The following CNBD1 variants were observed in gnomAD, a reference collection of about 807,000 sequenced individuals.
The protein encoded by CNBD1 is cyclic nucleotide binding domain containing 1, also known as cyclic nucleotide-binding domain-containing protein 1.
A neutral mutation model predicts 54.4 loss-of-function variants in CNBD1; 71 were observed. That is an observed-to-expected ratio of 1.30 (90% CI 1.08 to 1.59). CNBD1 has a LOEUF of 1.59. Ranked by LOEUF, CNBD1 falls within the 40% of genes most tolerant of loss-of-function variation. CNBD1 has a pLI of 0.00. For missense variants in CNBD1, 659 were observed against 518.0 expected, an observed-to-expected ratio of 1.27 and a Z score of -2.64; for synonymous variants, 182 against 170.7, an observed-to-expected ratio of 1.07 and a Z score of -0.51.
chr8:87,230,240 A>C (rs143283534), intron 5 of CNBD1, among the ~76,000 whole-genome samples: 8 of 152,136 alleles, frequency 5.3e-5, no homozygotes, highest in Non-Finnish European at 1.2e-4. Context: ...CCATGATCCA[A>C]TCACCTCCCA....
At chr8:87,122,224 A>G (rs1388662390) in intron 4 of CNBD1, among the ~76,000 whole-genome samples, 2 of 151,580 alleles carry the variant, frequency 1.3e-5, no homozygotes, top group African/African-American at 4.8e-5. Flanking sequence ...TTCTCACCAA[A>G]CCTTATCTTT....
At chr8:87,414,124 A>G (rs1807798039) in intron 2 of CNBD1, among the ~76,000 whole-genome samples, 1 of 152,080 alleles carries the variant, frequency 6.6e-6, no homozygotes, top group Non-Finnish European at 1.5e-5. Context: ...AACCAACCCA[A>G]ATGTCCAACA....
intron 4 of CNBD1, among the ~76,000 whole-genome samples, chr8:87,185,565 A>G (rs1813457071): frequency 6.6e-6 from 1 of 152,184 alleles, no homozygotes; most frequent in Admixed American, 6.5e-5. Flanking sequence ...TTCCTAATGC[A>G]TAGGTAAAAC....
intron 4 of CNBD1, among the ~76,000 whole-genome samples, chr8:86,984,140 G>C (rs530489909): frequency 3.9e-5 from 6 of 152,130 alleles, no homozygotes; most frequent in Admixed American, 3.9e-4. Flanking sequence ...ACTAAAAGTG[G>C]CAAACATAGA....
At chr8:87,266,820 AG>A (rs1808268477) in intron 6 of CNBD1, among the ~76,000 whole-genome samples, 4 of 152,072 alleles carry the variant, frequency 2.6e-5, no homozygotes, top group Admixed American at 1.3e-4. Flanking sequence ...CATTTGGGTA[AG>A]GGCAGTTGGT....
chr8:87,225,268 T>G (rs1456933676), intron 5 of CNBD1, among the ~76,000 whole-genome samples: 1 of 147,638 alleles, frequency 6.8e-6, no homozygotes, highest in Non-Finnish European at 1.5e-5. Context: ...TGGCCAGAAC[T>G]TCCAACACTA....
chr8:87,279,869 A>T (rs757208897), intron 6 of CNBD1, among the ~76,000 whole-genome samples: 3 of 151,538 alleles, frequency 2.0e-5, no homozygotes, highest in African/African-American at 7.3e-5. Context: ...ATAGGAAGCC[A>T]TGCTTAGCCA....
chr8:87,246,831 C>A (rs1431654073), intron 6 of CNBD1, among the ~76,000 whole-genome samples: 5 of 152,138 alleles, frequency 3.3e-5, no homozygotes, highest in African/African-American at 9.6e-5. Context: ...GAGCATTACA[C>A]TTATTGTGAA....
rs774858953 is a variant in CNBD1, at chr8:87,133,157, C to T, written c.432-72836C>T. Among the ~76,000 whole-genome samples, 12 of 151,994 alleles carry T rather than the reference C, an allele frequency of 7.9e-5. No individual in the cohort carries two copies. The East Asian group carries it at 2.3e-3, about 29-fold the overall frequency. The stretch of plus-strand genomic sequence containing the variant: ...TTCCTTTTTTTTCATTAATTATAAG[C>T]ATGTTTTTAAATAGTTTTTGACAAT... On this transcript the variant is annotated intron_variant, in intron 4 of 10. Coordinates refer to ENST00000518476, the MANE Select transcript of CNBD1 (RefSeq NM_173538.3).
intron 6 of CNBD1, among the ~76,000 whole-genome samples, chr8:87,269,830 A>G (rs1040269780): frequency 6.6e-6 from 1 of 152,048 alleles, no homozygotes; most frequent in Non-Finnish European, 1.5e-5. Flanking sequence ...GAATTCTACC[A>G]GACATATAAA....
chr8:87,052,716 G>C (rs1187443574), intron 4 of CNBD1, among the ~76,000 whole-genome samples: 2 of 152,142 alleles, frequency 1.3e-5, no homozygotes, highest in East Asian at 1.9e-4. Context: ...CTTTTCTGCT[G>C]CCTGTAAGGT....
intron 10 of CNBD1, among the ~76,000 whole-genome samples, chr8:87,377,115 T>A (rs1429297588): frequency 6.7e-6 from 1 of 149,472 alleles, no homozygotes; most frequent in African/African-American, 2.4e-5. Context: ...CGCAGATAAT[T>A]TTTGTAATTT....
intron 2 of CNBD1, among the ~76,000 whole-genome samples, chr8:87,396,141 G>A (rs937440689): frequency 5.9e-5 from 9 of 151,838 alleles, no homozygotes; most frequent in Admixed American, 4.6e-4. Context: ...TATAGAAGAG[G>A]AAATATTTGA....
chr8:87,045,672 C>T (rs1810167041), intron 4 of CNBD1, among the ~76,000 whole-genome samples: 1 of 142,710 alleles, frequency 7.0e-6, no homozygotes, highest in African/African-American at 2.7e-5. Flanking sequence ...TTGCAGTGAG[C>T]TAAGATTGCG....
chr8:87,392,654 G>A (rs533279633), intron 2 of CNBD1, among the ~76,000 whole-genome samples: 3 of 152,082 alleles, frequency 2.0e-5, no homozygotes, highest in South Asian at 4.1e-4. Flanking sequence ...GAGGAAGAGG[G>A]TGGAGAGGAA....
intron 8 of CNBD1, among the ~76,000 whole-genome samples, chr8:87,341,050 T>A (rs1316653440): frequency 6.6e-6 from 1 of 152,196 alleles, no homozygotes. Context: ...AGGACTTTTA[T>A]CACTTAGCCT....
intron 8 of CNBD1, among the ~76,000 whole-genome samples, chr8:87,347,596 G>T (rs929266743): frequency 1.3e-5 from 2 of 152,302 alleles, no homozygotes; most frequent in East Asian, 3.9e-4. Context: ...GAGCAGTATA[G>T]AGTAGTCACG....
At chr8:87,412,149 A>G (rs1332788931) in intron 2 of CNBD1, among the ~76,000 whole-genome samples, 2 of 152,194 alleles carry the variant, frequency 1.3e-5, no homozygotes, top group South Asian at 2.1e-4. Context: ...CTTCAAATTA[A>G]GATGCTGTTC....
intron 4 of CNBD1, among the ~76,000 whole-genome samples, chr8:86,981,582 C>T (rs772290510): frequency 1.3e-5 from 2 of 152,174 alleles, no homozygotes; most frequent in Non-Finnish European, 1.5e-5. Context: ...CTTTGCAGTA[C>T]ATCTTCCTGA....
Sources: allele counts gnomAD v4.1 joint callset (sites outside exome capture counted in the v4.1 genomes callset), GRCh38; gene constraint gnomAD v4.1.1; transcripts MANE v1.5; gene names NCBI Gene and HGNC (gene_info 2026-07-23, HGNC 2026-07-21).